SLC45A2: variants seen among roughly 807,000 people sequenced by gnomAD.
SLC45A2 encodes membrane-associated transporter protein.
SLC45A2 carries 36 observed loss-of-function variants against 45.5 expected under a neutral mutation model. That is an observed-to-expected ratio of 0.79 (90% confidence interval 0.61 to 1.04). SLC45A2 has a LOEUF of 1.04. Among genes scored for constraint, SLC45A2 ranks in the 50% least tolerant of loss-of-function variants. The pLI is 0.00. For synonymous variants in SLC45A2, 306 were observed against 269.3 expected (o/e 1.14, Z -1.33); for missense variants, 719 against 671.0 (o/e 1.07, Z -0.79).
At chr5:33,958,797 G>A (rs1377459049) in intron 3 of SLC45A2, among the ~76,000 whole-genome samples, 1 of 152,152 alleles carries the variant, frequency 6.6e-6, no homozygotes, top group Non-Finnish European at 1.5e-5. Flanking sequence ...TCGTGTGGGA[G>A]TTCCATGACT....
intron 2 of SLC45A2, chr5:33,972,107 C>A: frequency 1.9e-6 from 1 of 515,580 alleles, no homozygotes; most frequent in Non-Finnish European, 4.0e-6. Flanking sequence ...TGAAAGGGCT[C>A]ATTGGATCAG....
intron 2 of SLC45A2, among the ~76,000 whole-genome samples, chr5:33,968,843 A>G (rs1752683839): frequency 1.3e-5 from 2 of 152,112 alleles, no homozygotes; most frequent in African/African-American, 2.4e-5. Flanking sequence ...AGAGCTAGCT[A>G]TGTGCTGTTT....
intron 2 of SLC45A2, among the ~76,000 whole-genome samples, chr5:33,973,450 C>T (rs576602809): frequency 6.6e-6 from 1 of 152,276 alleles, no homozygotes. Flanking sequence ...AACAAAACCA[C>T]TCATCTAAAG....
At chr5:33,949,923 C>T (rs1397207176) in intron 5 of SLC45A2, among the ~76,000 whole-genome samples, 1 of 152,034 alleles carries the variant, frequency 6.6e-6, no homozygotes, top group East Asian at 1.9e-4. Flanking sequence ...TGTAGTGCCT[C>T]ATGCCTGTAA....
intron 6 of SLC45A2, chr5:33,946,458 A>G (rs2111898485): frequency 2.0e-6 from 2 of 985,626 alleles, no homozygotes; most frequent in Non-Finnish European, 1.2e-6. Context: ...CTATAAGCCT[A>G]TTTTCACAGG....
At chr5:33,957,372 T>C (rs895000837) in intron 3 of SLC45A2, among the ~76,000 whole-genome samples, 4 of 152,184 alleles carry the variant, frequency 2.6e-5, no homozygotes, top group Admixed American at 2.6e-4. Context: ...TAACCTTATA[T>C]AATCATGCTT....
At chr5:33,976,388 G>A (rs923653759) in intron 2 of SLC45A2, among the ~76,000 whole-genome samples, 2 of 152,210 alleles carry the variant, frequency 1.3e-5, no homozygotes, top group Admixed American at 1.3e-4. Flanking sequence ...GGTGTAATGA[G>A]TATGATTAGA....
At chr5:33,982,203 G>A (rs1753097541) in intron 2 of SLC45A2, 33 bp downstream of exon 2, 1 of 1,612,242 alleles carries the variant, frequency 6.2e-7, no homozygotes, top group Non-Finnish European at 8.5e-7. Context: ...TGTCTGGGGA[G>A]CTGAAGGAGA....
chr5:33,957,442 T>C (rs1228796800), intron 3 of SLC45A2, among the ~76,000 whole-genome samples: 1 of 152,168 alleles, frequency 6.6e-6, no homozygotes, highest in Non-Finnish European at 1.5e-5. Context: ...TGTAAGTTGA[T>C]TTTTTAAAAT....
intron 3 of SLC45A2, 26 bp downstream of exon 3, chr5:33,963,665 G>A (rs1424904169): frequency 1.9e-6 from 3 of 1,607,398 alleles, no homozygotes; most frequent in Non-Finnish European, 2.6e-6. Context: ...ATTTTCCCTT[G>A]TAAAGAAAAA....
At chr5:33,963,078 A>G (rs1255099850) in intron 3 of SLC45A2, among the ~76,000 whole-genome samples, 1 of 152,160 alleles carries the variant, frequency 6.6e-6, no homozygotes, top group East Asian at 1.9e-4. Flanking sequence ...ATGAAGTTCT[A>G]ATTTTATTTT....
In SLC45A2 at chr5:33,984,257, C is replaced by T. The variant is rs1753169679; in HGVS notation, c.327G>A (p.Leu109=). ...CCATGCCCACGAGCATCATGACTCCCAGGGTGAGGATGTAGGGTCTCCGGC... is the reference window on the plus strand; with the variant it reads ...CCATGCCCACGAGCATCATGACTCCTAGGGTGAGGATGTAGGGTCTCCGGC... ...WGRRRPYILT[L]GVMMLVGMAL... is the part of the protein sequence containing the mutation. The change falls in exon 1 of 7, where the codon CTG becomes CTA. Residue 109 remains leucine, a synonymous_variant. Transcript: ENST00000296589. The T allele has an allele frequency of 6.2e-7, 1 of 1,614,136 alleles. No homozygotes were observed. Among genetic ancestry groups the T allele is most frequent in the East Asian group, 2.2e-5 (1 of 44,880 alleles).
chr5:33,972,357 T>C, intron 2 of SLC45A2: 2 of 381,810 alleles, frequency 5.2e-6, no homozygotes, highest in Admixed American at 6.6e-5. Flanking sequence ...TAGAAAAAAA[T>C]ACATATTGAT....
At chr5:33,959,548 A>T (rs1020129064) in intron 3 of SLC45A2, among the ~76,000 whole-genome samples, 1 of 152,186 alleles carries the variant, frequency 6.6e-6, no homozygotes, top group African/African-American at 2.4e-5. Flanking sequence ...GCTTTATCCC[A>T]ATGACCTCTT....
intron 6 of SLC45A2, chr5:33,946,247 G>A (rs1300627229): frequency 2.3e-5 from 23 of 985,268 alleles, no homozygotes; most frequent in Non-Finnish European, 2.5e-5. Flanking sequence ...GTTTGCCAGG[G>A]GATGAGGAAA....
chr5:33,972,313 G>A (rs905570306), intron 2 of SLC45A2: 1 of 400,300 alleles, frequency 2.5e-6, no homozygotes, highest in Admixed American at 3.1e-5. Context: ...CCAAATACAC[G>A]GGATCTTGCT....
rs766418641 is a variant in SLC45A2, at chr5:33,944,732, G to A, written c.1509C>T (p.Thr503=). The A allele has an allele frequency of 1.2e-5, 20 of 1,614,178 alleles. No individual in the cohort carries two copies. The highest frequency in any genetic ancestry group is 4.5e-5 in the East Asian group (2 of 44,888). ...ACGCTGTGATCACCACGACGACAACGGTCCCGGCTGTGTTGACCAGAAAGC... is the reference window on the plus strand; with the variant it reads ...ACGCTGTGATCACCACGACGACAACAGTCCCGGCTGTGTTGACCAGAAAGC... ...GLGFLVNTAG[T]VVVVVITASA... The change falls in exon 7 of 7, where the codon ACC becomes ACT. Residue 503 remains threonine (T), a synonymous_variant. Transcript: ENST00000296589.
chr5:33,944,999 GGTCAT>G, intron 6 of SLC45A2, 127 bp from the exon 7 acceptor site: 3 of 863,144 alleles, frequency 3.5e-6, no homozygotes, highest in Non-Finnish European at 5.6e-6. Flanking sequence ...ATACAGCCCT[GGTCAT>G]AACTACTCAA....
chr5:33,971,681 C>T (rs979323504), intron 2 of SLC45A2, among the ~76,000 whole-genome samples: 1 of 152,108 alleles, frequency 6.6e-6, no homozygotes, highest in Admixed American at 6.5e-5. Context: ...GGATGGAGTG[C>T]AGTGGCGTGA....
Sources: allele counts gnomAD v4.1 joint callset (sites outside exome capture counted in the v4.1 genomes callset), GRCh38; gene constraint gnomAD v4.1.1; transcripts MANE v1.5; gene names NCBI Gene and HGNC (gene_info 2026-07-23, HGNC 2026-07-21).